Variants in ADAMTSL1 observed in about 807,000 individuals in gnomAD.
ADAMTSL1 encodes the protein ADAMTS-like protein 1.
A neutral mutation model predicts 201.8 loss-of-function variants in ADAMTSL1; 126 were observed. The ratio of observed to expected loss-of-function variants is 0.62; its 90% CI spans 0.54 to 0.72. ADAMTSL1 has a LOEUF of 0.72. ADAMTSL1 is among the 30% of genes least tolerant of loss of function. ADAMTSL1 has a pLI of 0.00. For synonymous variants in ADAMTSL1, 1,121 were observed against 903.4 expected (o/e 1.24, Z -4.32); for missense variants, 2,679 against 2,277.8 (o/e 1.18, Z -3.59).
intron 1 of ADAMTSL1, among the ~76,000 whole-genome samples, chr9:18,128,861 T>A (rs1481506630): frequency 6.6e-6 from 1 of 152,182 alleles, no homozygotes; most frequent in African/African-American, 2.4e-5. Flanking sequence ...AAGGTGGCCA[T>A]AGAAGGCTTT....
At chr9:17,935,629 C>T (rs1014680063) in intron 1 of ADAMTSL1, among the ~76,000 whole-genome samples, 2 of 152,200 alleles carry the variant, frequency 1.3e-5, no homozygotes, top group Non-Finnish European at 2.9e-5. Flanking sequence ...CTTTTATTTG[C>T]TCAGGTCAAA....
Position 18,776,995 on chromosome 9 carries a change from G to A in ADAMTSL1, c.2766G>A (p.Thr922=). 1 of 1,601,616 alleles carries A rather than the reference G, an allele frequency of 6.2e-7. No homozygotes were observed. The highest frequency in any genetic ancestry group is 2.2e-5 in the East Asian group (1 of 44,630). ...EKDGQHLISS[T]HVTVAPFGYL... ...ACGGCCAGCACCTCATCAGCTCGAC[G>A]CACGTCACGGTGGCCCCCTTCGGCT... Residue 922 remains threonine (T), a synonymous_variant, in exon 19 of 29, where the codon ACG becomes ACA. Coordinates refer to ENST00000380548, the MANE Select transcript of ADAMTSL1 (RefSeq NM_001040272.6).
chr9:18,257,783 A>G (rs148761062), intron 2 of ADAMTSL1, among the ~76,000 whole-genome samples: 1 of 152,358 alleles, frequency 6.6e-6, no homozygotes, highest in Non-Finnish European at 1.5e-5. Flanking sequence ...AATGAGGCCT[A>G]GACATAAAAT....
intron 1 of ADAMTSL1, among the ~76,000 whole-genome samples, chr9:18,120,346 A>T (rs1044320772): frequency 6.6e-6 from 1 of 152,328 alleles, no homozygotes; most frequent in Admixed American, 6.5e-5. Flanking sequence ...ACCTAATCTC[A>T]GAAGTGGCAC....
intron 2 of ADAMTSL1, among the ~76,000 whole-genome samples, chr9:18,365,918 T>C (rs1053666639): frequency 1.3e-5 from 2 of 152,056 alleles, no homozygotes; most frequent in Non-Finnish European, 2.9e-5. Flanking sequence ...GGGAGCTGGG[T>C]TGTGTGCTCC....
At chr9:18,205,866 C>A (rs1829628680) in intron 2 of ADAMTSL1, among the ~76,000 whole-genome samples, 1 of 151,786 alleles carries the variant, frequency 6.6e-6, no homozygotes, top group Non-Finnish European at 1.5e-5. Flanking sequence ...CCAGCCTGGG[C>A]AACATGGTGA....
At chr9:18,532,624 A>T (rs1819515288) in intron 2 of ADAMTSL1, among the ~76,000 whole-genome samples, 1 of 151,990 alleles carries the variant, frequency 6.6e-6, no homozygotes, top group Admixed American at 6.6e-5. Flanking sequence ...TGCGTAAGTG[A>T]TGTGATTTTT....
intron 7 of ADAMTSL1, among the ~76,000 whole-genome samples, chr9:18,655,390 A>G (rs549214440): frequency 6.6e-6 from 1 of 152,324 alleles, no homozygotes; most frequent in East Asian, 1.9e-4. Context: ...TTGTGATTAT[A>G]GAAAGAAGAG....
intron 1 of ADAMTSL1, among the ~76,000 whole-genome samples, chr9:18,025,588 T>C (rs1466186279): frequency 1.3e-5 from 2 of 152,090 alleles, no homozygotes; most frequent in African/African-American, 2.4e-5. Flanking sequence ...TTCTGGATTC[T>C]CTATTCTGTT....
At chr9:18,467,209 G>T (rs1366920708) in intron 2 of ADAMTSL1, among the ~76,000 whole-genome samples, 1 of 152,152 alleles carries the variant, frequency 6.6e-6, no homozygotes, top group Admixed American at 6.5e-5. Flanking sequence ...CAGGTGAAAA[G>T]TACCTATAGA....
intron 3 of ADAMTSL1, among the ~76,000 whole-genome samples, chr9:18,558,057 C>T (rs576742626): frequency 2.0e-5 from 3 of 152,072 alleles, no homozygotes; most frequent in Non-Finnish European, 2.9e-5. Context: ...ACGTGCAGAA[C>T]GTGCAGGTTT....
At chr9:18,049,913 G>A (rs1173715176) in intron 1 of ADAMTSL1, among the ~76,000 whole-genome samples, 1 of 152,122 alleles carries the variant, frequency 6.6e-6, no homozygotes, top group Non-Finnish European at 1.5e-5. Context: ...GTGAGCCACC[G>A]TGCCCGGCCC....
intron 2 of ADAMTSL1, among the ~76,000 whole-genome samples, chr9:18,382,183 A>C (rs780494682): frequency 6.6e-5 from 10 of 152,156 alleles, no homozygotes; most frequent in Non-Finnish European, 1.2e-4. Flanking sequence ...AAAACCACTT[A>C]CCGTGATTAT....
At chr9:17,974,006 A>C (rs979436110) in intron 1 of ADAMTSL1, among the ~76,000 whole-genome samples, 3 of 151,716 alleles carry the variant, frequency 2.0e-5, no homozygotes, top group Non-Finnish European at 1.5e-5. Flanking sequence ...GATTTTTGCA[A>C]ATTGATTTTA....
At chr9:18,269,473 A>T (rs148455800) in intron 2 of ADAMTSL1, among the ~76,000 whole-genome samples, 1 of 152,152 alleles carries the variant, frequency 6.6e-6, no homozygotes, top group Admixed American at 6.6e-5. Context: ...AAACCTGACA[A>T]TTGAACACTA....
At position 18,272,570 on chromosome 9, in the gene ADAMTSL1, T is replaced by A. The variant is rs548817701; in HGVS notation, c.207+108589T>A. On this transcript the variant is annotated intron_variant, in intron 2 of 29. Transcript: ENST00000680146. ...GGGCAATGAAATCAGATCTTTTTCC[T>A]ATTCTCTGTTTTTGTTGAAATTTTT... 4.6e-5 allele frequency among the ~76,000 whole-genome samples: 7 copies of A among 152,370 alleles called. No homozygotes were observed. In the South Asian group the frequency reaches 1.5e-3, roughly 32 times the overall value.
At position 18,070,680 on chromosome 9, in the gene ADAMTSL1, C is replaced by A. The variant is rs1329876826; in HGVS notation, c.88-93182C>A. Among the ~76,000 whole-genome samples the A allele has an allele frequency of 4.6e-5, 7 of 152,134 alleles. No individual in the cohort carries two copies. In the East Asian group the frequency reaches 7.7e-4, roughly 17 times the overall value. On this transcript the variant is annotated intron_variant, in intron 1 of 29. Coordinates refer to the ADAMTSL1 transcript ENST00000680146. ...CTTGGGAAATGATAAGAAAGCAAAG[C>A]CCCTTGGGAGAAGGAGTCTTATAGC...
chr9:18,651,504 A>T (rs4977511), intron 7 of ADAMTSL1: 58,453 of 152,134 alleles, frequency 0.38, 11,789 homozygotes, highest in East Asian at 0.75. Context: ...TAGCAGAAAC[A>T]CACAGCAGAA....
At chr9:18,684,008 G>T (rs1483255177) in intron 12 of ADAMTSL1, among the ~76,000 whole-genome samples, 1 of 152,124 alleles carries the variant, frequency 6.6e-6, no homozygotes, top group Non-Finnish European at 1.5e-5. Context: ...GGGAATCTTG[G>T]CAGTTACTTC....
Sources: allele counts gnomAD v4.1 joint callset (sites outside exome capture counted in the v4.1 genomes callset), GRCh38; gene constraint gnomAD v4.1.1; transcripts MANE v1.5; gene names NCBI Gene and HGNC (gene_info 2026-07-23, HGNC 2026-07-21).